The following FNDC3A variants were observed in gnomAD, a reference collection of about 807,000 sequenced individuals.
FNDC3A encodes the protein fibronectin type III domain containing 3A.
In FNDC3A, 32 loss-of-function variants were observed where a neutral mutation model predicts 148.9. The observed-to-expected ratio is 0.21, with a 90% CI of 0.16 to 0.29. The LOEUF (loss-of-function observed/expected upper bound fraction) is 0.29. Among genes scored for constraint, FNDC3A ranks in the 10% least tolerant of loss-of-function variants. The pLI, the probability that FNDC3A is intolerant of heterozygous loss-of-function variation, is 1.00. For missense variants in FNDC3A, 1,191 were observed against 1,452.8 expected (o/e 0.82, Z 2.93); for synonymous variants, 472 against 473.6 (o/e 1.00, Z 0.04).
At chr13:49,146,712 G>A (rs1192929356) in intron 8 of FNDC3A, 1 of 152,220 alleles carries the variant, frequency 6.6e-6, no homozygotes, top group Non-Finnish European at 1.5e-5. Context: ...ACTCCAGCCT[G>A]AGTGACAGAG....
chr13:48,986,385 G>GTTTTTTTTTTTTT lies in FNDC3A; in HGVS notation c.-40+10224_-40+10236dup, dbSNP rs869031197. Among the ~76,000 whole-genome samples, 19 of 54,420 alleles carry GTTTTTTTTTTTTT rather than the reference G, an allele frequency of 3.5e-4. 4 individuals carry two copies. The highest frequency in any genetic ancestry group is 5.4e-4 in the African/African-American group (7 of 12,850). 35.7% of individuals were successfully genotyped at this position (54,420 alleles called of 152,430 possible). A position where few individuals can be genotyped will look rare whatever the true frequency, so the allele number is the denominator to read the frequency against. On this transcript the variant is annotated intron_variant, in intron 1 of 25. Coordinates refer to ENST00000492622, the MANE Select transcript of FNDC3A (RefSeq NM_001079673.2). ...AAGACAGAGTAAGGAGAAGGAAGTT[G>GTTTTTTTTTTTTT]TTTTTTTTTTTTTTTTTTTTTTTTT... is the stretch of plus-strand genomic sequence containing the variant.
chr13:49,045,623 T>A, intron 2 of FNDC3A: 1 of 647,662 alleles, frequency 1.5e-6, no homozygotes, highest in Non-Finnish European at 2.6e-6. Flanking sequence ...TGAGTCTAGT[T>A]CTGTTAAGGA....
chr13:49,018,227 T>C (rs1489257861), intron 2 of FNDC3A, among the ~76,000 whole-genome samples: 1 of 152,186 alleles, frequency 6.6e-6, no homozygotes, highest in Non-Finnish European at 1.5e-5. Flanking sequence ...TCCCCGTCAC[T>C]TTCAGGTACA....
intron 2 of FNDC3A, among the ~76,000 whole-genome samples, chr13:49,011,738 A>T (rs1183886114): frequency 6.6e-6 from 1 of 152,172 alleles, no homozygotes; most frequent in Non-Finnish European, 1.5e-5. Context: ...TCAAGGCTAC[A>T]GCAAGTCATG....
intron 1 of FNDC3A, among the ~76,000 whole-genome samples, chr13:48,995,452 G>A (rs1952006171): frequency 1.3e-5 from 2 of 151,892 alleles, no homozygotes; most frequent in African/African-American, 4.8e-5. Context: ...ACTAGATTAA[G>A]CATAAATCTT....
rs151075151 is a variant in FNDC3A at position 49,201,238 on chromosome 13, T to G, written c.2988-562T>G. The G allele has an allele frequency of 1.7e-3, 309 of 185,228 alleles. 1 individual carries two copies. The highest frequency in any genetic ancestry group is 6.6e-3 in the African/African-American group (277 of 42,086). The allele number at this position is 185,228 out of a possible 1,614,324, so 11.5% of individuals were successfully genotyped here. On this transcript the variant is annotated intron_variant, in intron 23 of 25. Transcript: ENST00000492622. ...TTGAACAGTTCAAGTGGGTAATGTA[T>G]TGGAAATTTTATATTATCATACTGC...
chr13:49,184,987 C>T (rs190032454), intron 14 of FNDC3A, among the ~76,000 whole-genome samples: 97 of 151,880 alleles, frequency 6.4e-4, no homozygotes, highest in African/African-American at 2.0e-3. Context: ...TTGAGGGGAG[C>T]GTCAGCAGTA....
intron 2 of FNDC3A, chr13:49,045,058 C>T (rs533933756): frequency 2.0e-5 from 4 of 204,856 alleles, no homozygotes; most frequent in African/African-American, 4.9e-5. Flanking sequence ...CTTTCCCTTT[C>T]CCTTTTCCTT....
intron 2 of FNDC3A, among the ~76,000 whole-genome samples, chr13:49,019,072 C>T (rs1362730967): frequency 6.6e-6 from 1 of 152,232 alleles, no homozygotes; most frequent in Non-Finnish European, 1.5e-5. Context: ...TGTGCCCTGC[C>T]CCCAGAGGTG....
Position 49,153,990 on chromosome 13 carries a change from T to G in FNDC3A, c.977+8055T>G, listed in dbSNP as rs552108848. ...TTTGTTCTTTTGGCTTAGGATTGAC[T>G]TGGCGATGCGGGCTCTTTTTTGGTT... On this transcript the variant is annotated intron_variant, in intron 8 of 25. Coordinates refer to ENST00000492622, the MANE Select transcript of FNDC3A (RefSeq NM_001079673.2). Among the ~76,000 whole-genome samples, 288 of 132,086 alleles carry G rather than the reference T, an allele frequency of 2.2e-3. 1 individual carries two copies. The highest frequency in any genetic ancestry group is 7.8e-3 in the African/African-American group (273 of 34,878). 86.7% of individuals were successfully genotyped at this position (132,086 alleles called of 152,430 possible).
At chr13:49,115,744 C>T (rs183320278) in intron 4 of FNDC3A, among the ~76,000 whole-genome samples, 1 of 152,282 alleles carries the variant, frequency 6.6e-6, no homozygotes. Context: ...GTAGTCTCTA[C>T]TAACTATCTC....
chr13:48,997,552 G>A (rs1952045559), intron 1 of FNDC3A, among the ~76,000 whole-genome samples: 1 of 152,028 alleles, frequency 6.6e-6, no homozygotes, highest in African/African-American at 2.4e-5. Context: ...GGGTCCCCAT[G>A]ATCAGATTAG....
intron 4 of FNDC3A, among the ~76,000 whole-genome samples, chr13:49,115,194 G>A (rs55817562): frequency 5.8e-3 from 64 of 10,958 alleles, no homozygotes; most frequent in South Asian, 0.026. Flanking sequence ...GGGGGGGGGG[G>A]AAATAAAAAA....
At chr13:49,065,422 G>A (rs1229751803) in intron 2 of FNDC3A, among the ~76,000 whole-genome samples, 1 of 152,188 alleles carries the variant, frequency 6.6e-6, no homozygotes, top group Non-Finnish European at 1.5e-5. Flanking sequence ...GGGACCACCA[G>A]TGTAACCACA....
chr13:49,001,613 C>T (rs931107478), intron 1 of FNDC3A, among the ~76,000 whole-genome samples: 3 of 152,090 alleles, frequency 2.0e-5, no homozygotes, highest in African/African-American at 7.2e-5. Context: ...GAGGGTAGGC[C>T]TCTGAAATGG....
chr13:49,149,669 C>T (rs1467703178), intron 8 of FNDC3A, among the ~76,000 whole-genome samples: 3 of 151,914 alleles, frequency 2.0e-5, no homozygotes, highest in East Asian at 1.9e-4. Context: ...TTGTTGTGTC[C>T]GTATCTGGTT....
chr13:49,081,940 C>T (rs1341342353), intron 3 of FNDC3A, among the ~76,000 whole-genome samples: 1 of 149,192 alleles, frequency 6.7e-6, no homozygotes, highest in East Asian at 2.0e-4. Flanking sequence ...TTCTCTAGGG[C>T]TTTCTTTTGA....
intron 14 of FNDC3A, among the ~76,000 whole-genome samples, chr13:49,185,162 A>G (rs1885502617): frequency 6.6e-6 from 1 of 152,146 alleles, no homozygotes; most frequent in Admixed American, 6.5e-5. Flanking sequence ...TAGAGGAGAA[A>G]ATGTAACAAT....
intron 2 of FNDC3A, among the ~76,000 whole-genome samples, chr13:49,041,638 C>A (rs1237827607): frequency 6.6e-6 from 1 of 152,006 alleles, no homozygotes; most frequent in African/African-American, 2.4e-5. Context: ...TGGCAAAACC[C>A]CATGTCTACT....
Sources: allele counts gnomAD v4.1 joint callset (sites outside exome capture counted in the v4.1 genomes callset), GRCh38; gene constraint gnomAD v4.1.1; transcripts MANE v1.5; gene names NCBI Gene and HGNC (gene_info 2026-07-23, HGNC 2026-07-21).